NFXL1: variants seen among roughly 807,000 people sequenced by gnomAD.
The protein encoded by NFXL1 is NF-X1-type zinc finger protein NFXL1.
NFXL1 carries 66 observed loss-of-function variants against 123.3 expected under a neutral mutation model. That is an observed-to-expected ratio of 0.54 (90% CI 0.44 to 0.66). NFXL1 has a LOEUF of 0.66. NFXL1 is among the 30% of genes least tolerant of loss of function. The pLI is 0.00. For synonymous variants in NFXL1, 346 were observed against 360.8 expected (o/e 0.96, Z 0.46); for missense variants, 944 against 1,125.6 (o/e 0.84, Z 2.31).
At chr4:47,900,801 T>C (rs1737325464) in intron 5 of NFXL1, among the ~76,000 whole-genome samples, 1 of 152,218 alleles carries the variant, frequency 6.6e-6, no homozygotes, top group Non-Finnish European at 1.5e-5. Context: ...CGAGAACATG[T>C]TCTGTTTCCA....
At position 47,914,223 on chromosome 4, in the gene NFXL1, A is replaced by AG; in HGVS notation, c.-2-19_-2-18insC. On this transcript the variant is annotated intron_variant, in intron 1 of 22. Coordinates refer to ENST00000507489, the MANE Select transcript of NFXL1 (RefSeq NM_001278624.2). ...TTCCATCCCTGCAAAGGAGAAAAAA[A>AG]AAAAAAAGAGTGGAAGGAGGTGAGC... 6.9e-7 allele frequency: 1 copy of AG among 1,456,032 alleles called. No individual in the cohort carries two copies. Among genetic ancestry groups the AG allele is most frequent in the South Asian group, 1.4e-5 (1 of 73,030 alleles). The allele number at this position is 1,456,032 out of a possible 1,614,324, so 90.2% of individuals were successfully genotyped here.
rs1241279098 is a variant in NFXL1 at position 47,860,783 on chromosome 4, A to C, written c.2316+2063T>G. On this transcript the variant is annotated intron_variant, in intron 19 of 22. Coordinates refer to ENST00000507489, the MANE Select transcript of NFXL1 (RefSeq NM_001278624.2). ...ACAGTATCACTATTGCTTACTATTT[A>C]ATAGAAATGCAAAATGTAGGCCCTA... Among the ~76,000 whole-genome samples the C allele has an allele frequency of 2.0e-5, 3 of 152,232 alleles. No individual in the cohort carries two copies. The East Asian group carries it at 5.8e-4, about 29-fold the overall frequency.
chr4:47,892,164 T>C (rs563439204), intron 11 of NFXL1, among the ~76,000 whole-genome samples: 1 of 152,164 alleles, frequency 6.6e-6, no homozygotes, highest in South Asian at 2.1e-4. Context: ...GAAGCTACAG[T>C]TTTCAGGTAT....
Position 47,884,101 on chromosome 4 carries a change from A to C in NFXL1, c.1916+245T>G, listed in dbSNP as rs117535142. Among the ~76,000 whole-genome samples the C allele has an allele frequency of 4.8e-3, 725 of 152,306 alleles. 15 individuals are homozygous for C. The East Asian group carries it at 0.061, about 13-fold the overall frequency. ...TTGCATGCACTCGCTATGGAAAGCTAAGAAGGGCATCAAACTCCAACTGGG... is the reference window on the plus strand; with the variant it reads ...TTGCATGCACTCGCTATGGAAAGCTCAGAAGGGCATCAAACTCCAACTGGG... On this transcript the variant is annotated intron_variant, in intron 15 of 22. Transcript: ENST00000507489.
intron 19 of NFXL1, among the ~76,000 whole-genome samples, chr4:47,861,050 G>A (rs895201438): frequency 2.7e-5 from 4 of 148,992 alleles, no homozygotes; most frequent in African/African-American, 5.0e-5. Context: ...TAGTAGAAAC[G>A]GGGTTTCACC....
At chr4:47,862,605 A>G (rs578011242) in intron 19 of NFXL1, among the ~76,000 whole-genome samples, 3 of 152,326 alleles carry the variant, frequency 2.0e-5, no homozygotes, top group Admixed American at 2.0e-4. Flanking sequence ...TTTATTGTAT[A>G]AAGTATGTAA....
At chr4:47,904,912 G>C (rs202208194) in intron 4 of NFXL1, among the ~76,000 whole-genome samples, 1 of 65,180 alleles carries the variant, frequency 1.5e-5, no homozygotes, top group Non-Finnish European at 3.5e-5. Flanking sequence ...TTTTCCAAAA[G>C]TAATAAAATA....
intron 15 of NFXL1, among the ~76,000 whole-genome samples, chr4:47,881,439 T>C (rs1192331971): frequency 1.3e-5 from 2 of 152,082 alleles, no homozygotes; most frequent in Non-Finnish European, 2.9e-5. Context: ...GAATGCAAAA[T>C]GATTCAGACA....
chr4:47,859,477 T>C (rs1380898630), intron 19 of NFXL1, among the ~76,000 whole-genome samples: 2 of 152,182 alleles, frequency 1.3e-5, no homozygotes, highest in Non-Finnish European at 2.9e-5. Context: ...AGAAGTTAAA[T>C]AATTTTCCCA....
chr4:47,901,391 A>T (rs1034046396), intron 5 of NFXL1, among the ~76,000 whole-genome samples: 2 of 151,928 alleles, frequency 1.3e-5, no homozygotes, highest in Non-Finnish European at 2.9e-5. Context: ...TTAACAGTAC[A>T]TTTTTTTTAA....
chr4:47,876,010 G>A (rs976079978), intron 17 of NFXL1, among the ~76,000 whole-genome samples: 1 of 151,982 alleles, frequency 6.6e-6, no homozygotes, highest in African/African-American at 2.4e-5. Flanking sequence ...AAATAAGAGA[G>A]CTATAGACAT....
chr4:47,902,896 C>T (rs914501467), intron 5 of NFXL1, among the ~76,000 whole-genome samples: 1 of 152,128 alleles, frequency 6.6e-6, no homozygotes, highest in African/African-American at 2.4e-5. Context: ...GGTGGCGTGC[C>T]AGCCTAGTTG....
intron 19 of NFXL1, among the ~76,000 whole-genome samples, chr4:47,859,001 T>G (rs1734572307): frequency 6.6e-6 from 1 of 152,186 alleles, no homozygotes; most frequent in African/African-American, 2.4e-5. Flanking sequence ...AACTGAAAAG[T>G]AGTTACAAAG....
chr4:47,902,528 T>G (rs1737395223), intron 5 of NFXL1, among the ~76,000 whole-genome samples: 1 of 152,174 alleles, frequency 6.6e-6, no homozygotes, highest in African/African-American at 2.4e-5. Flanking sequence ...TCAAAATACA[T>G]TAAATGATAG....
At chr4:47,862,961 T>G in intron 18 of NFXL1, 46 bp from the exon 19 acceptor site, 1 of 1,016,940 alleles carries the variant, frequency 9.8e-7, no homozygotes, top group Non-Finnish European at 1.5e-6. Context: ...ATCCATTTTA[T>G]AGCATAATTT....
At chr4:47,897,734 G>A (rs1578034823) in intron 9 of NFXL1, among the ~76,000 whole-genome samples, 1 of 151,990 alleles carries the variant, frequency 6.6e-6, no homozygotes, top group Non-Finnish European at 1.5e-5. Flanking sequence ...AATCTTCTAT[G>A]TCTCTCCTAT....
intron 20 of NFXL1, among the ~76,000 whole-genome samples, chr4:47,853,723 G>A (rs1462006563): frequency 6.6e-6 from 1 of 152,102 alleles, no homozygotes; most frequent in African/African-American, 2.4e-5. Flanking sequence ...TTAAGTAACA[G>A]ATTCACAGAG....
At chr4:47,858,568 G>A (rs925841486) in intron 19 of NFXL1, among the ~76,000 whole-genome samples, 1 of 152,182 alleles carries the variant, frequency 6.6e-6, no homozygotes, top group Non-Finnish European at 1.5e-5. Flanking sequence ...CTGTTAAAAT[G>A]CAATTAAAAA....
chr4:47,888,005 G>T (rs185323605), intron 12 of NFXL1, among the ~76,000 whole-genome samples: 1 of 152,126 alleles, frequency 6.6e-6, no homozygotes, highest in African/African-American at 2.4e-5. Context: ...GCTGGGCGCT[G>T]TGGCTCATGC....
Sources: gnomAD v4.1 joint callset for allele counts (sites outside exome capture counted in the v4.1 genomes callset) on GRCh38, gnomAD v4.1.1 for gene constraint, MANE v1.5 for transcripts, NCBI Gene and HGNC (gene_info 2026-07-23, HGNC 2026-07-21) for gene names.